LRBA: variants seen among roughly 807,000 people sequenced by gnomAD.
LRBA encodes the protein lipopolysaccharide-responsive and beige-like anchor protein.
A neutral mutation model predicts 330.0 loss-of-function variants in LRBA; 176 were observed. That is an observed-to-expected ratio of 0.53 (90% CI 0.47 to 0.60). The LOEUF is 0.60. LRBA is among the 20% of genes least tolerant of loss of function. The pLI, the probability that LRBA is intolerant of heterozygous loss-of-function variation, is 0.00. For synonymous variants in LRBA, 1,230 were observed against 1,193.0 expected (o/e 1.03, Z -0.64); for missense variants, 3,259 against 3,444.8 (o/e 0.95, Z 1.35).
intron 47 of LRBA, among the ~76,000 whole-genome samples, chr4:150,357,252 C>T (rs1268260152): frequency 1.3e-5 from 2 of 151,982 alleles, no homozygotes; most frequent in East Asian, 1.9e-4. Context: ...AGCACTCGTG[C>T]ATCTTTTGGC....
chr4:150,790,806 G>A (rs1049969984), intron 34 of LRBA, among the ~76,000 whole-genome samples: 3 of 152,098 alleles, frequency 2.0e-5, no homozygotes, highest in Non-Finnish European at 4.4e-5. Context: ...TTTCAGCAAA[G>A]AATACCTACT....
At chr4:150,816,277 G>A (rs1022461279) in intron 31 of LRBA, among the ~76,000 whole-genome samples, 2 of 152,022 alleles carry the variant, frequency 1.3e-5, no homozygotes, top group East Asian at 3.9e-4. Context: ...TCTCAACCTA[G>A]AATCATAAGA....
At chr4:150,560,432 A>G (rs982043797) in intron 40 of LRBA, among the ~76,000 whole-genome samples, 1 of 152,134 alleles carries the variant, frequency 6.6e-6, no homozygotes, top group African/African-American at 2.4e-5. Context: ...CAGTTATTCT[A>G]TCCTGTGATG....
chr4:150,586,857 T>A (rs1428849517), intron 40 of LRBA, among the ~76,000 whole-genome samples: 1 of 152,172 alleles, frequency 6.6e-6, no homozygotes, highest in Non-Finnish European at 1.5e-5. Context: ...CCAGTCTTTC[T>A]TAAATTCAGA....
chr4:150,400,419 A>G (rs745420742), intron 47 of LRBA, among the ~76,000 whole-genome samples: 5 of 152,198 alleles, frequency 3.3e-5, no homozygotes, highest in Non-Finnish European at 7.3e-5. Context: ...CCTGGATCAA[A>G]AATTTTGTCG....
intron 47 of LRBA, among the ~76,000 whole-genome samples, chr4:150,411,040 AT>A (rs1303397633): frequency 6.6e-6 from 1 of 152,114 alleles, no homozygotes; most frequent in Non-Finnish European, 1.5e-5. Flanking sequence ...TCTGAAATAA[AT>A]TTTTTTCCTA....
chr4:150,914,019 C>T (rs982376409), intron 9 of LRBA, among the ~76,000 whole-genome samples, 176 bp downstream of exon 9: 1 of 152,142 alleles, frequency 6.6e-6, no homozygotes, highest in African/African-American at 2.4e-5. Flanking sequence ...CATCCAATTA[C>T]ACTATTTCAA....
intron 37 of LRBA, among the ~76,000 whole-genome samples, chr4:150,635,597 T>C (rs1372496465): frequency 1.3e-5 from 2 of 152,226 alleles, no homozygotes; most frequent in African/African-American, 2.4e-5. Flanking sequence ...GCAAACCTTA[T>C]TTCTTTTTTT....
intron 28 of LRBA, among the ~76,000 whole-genome samples, chr4:150,841,295 C>T (rs893162849): frequency 1.3e-5 from 2 of 152,220 alleles, no homozygotes; most frequent in African/African-American, 2.4e-5. Context: ...CTAACTACCA[C>T]ATGAAGTTTA....
Position 150,482,785 on chromosome 4 carries a change from T to C in LRBA, c.6551+4947A>G, listed in dbSNP as rs551363431. On this transcript the variant is annotated intron_variant, in intron 42 of 56. Coordinates refer to ENST00000651943, the MANE Select transcript of LRBA (RefSeq NM_001364905.1). ...GCATTTCTCAGATGACTAATGATGT[T>C]TGGCATCTTTTCATGTGTTTATTCG... Among the ~76,000 whole-genome samples the C allele has an allele frequency of 6.1e-4, 93 of 152,214 alleles. 1 individual carries two copies. Among genetic ancestry groups the C allele is most frequent in the Middle Eastern group, 6.8e-3 (2 of 294 alleles).
chr4:151,000,510 A>G (rs531308915), intron 2 of LRBA, among the ~76,000 whole-genome samples: 11 of 152,366 alleles, frequency 7.2e-5, no homozygotes, highest in African/African-American at 2.6e-4. Flanking sequence ...TTACTTAAAC[A>G]CTGCAATACC....
chr4:151,015,716 G>C (rs1745342699), upstream of LRBA: 1 of 151,850 alleles, frequency 6.6e-6, no homozygotes, highest in South Asian at 2.1e-4. Flanking sequence ...CGCCATGACA[G>C]CGCCGAGTGC....
chr4:150,642,113 T>C (rs997760881), intron 37 of LRBA, among the ~76,000 whole-genome samples: 1 of 152,030 alleles, frequency 6.6e-6, no homozygotes, highest in Middle Eastern at 3.2e-3. Flanking sequence ...TTTTGATTAG[T>C]AAAATATGTT....
intron 4 of LRBA, among the ~76,000 whole-genome samples, chr4:150,925,166 A>T (rs1733752292): frequency 9.6e-4 from 1 of 1,040 alleles, no homozygotes; most frequent in Admixed American, 0.038. Flanking sequence ...CCTGTCTTTA[A>T]AAAAAAAAAA....
rs555982245 is a variant in LRBA at position 150,597,780 on chromosome 4, C to T, written c.6046+1227G>A. The stretch of plus-strand genomic sequence containing the variant: ...TATCACCACCTAAAAACTATATGTA[C>T]TCTAAAAGCAAAAGTGGCCTAATTA... On this transcript the variant is annotated intron_variant, in intron 38 of 56. Coordinates refer to ENST00000651943, the MANE Select transcript of LRBA (RefSeq NM_001364905.1). Among the ~76,000 whole-genome samples the T allele has an allele frequency of 1.3e-3, 195 of 151,964 alleles. 1 individual carries two copies. The highest frequency in any genetic ancestry group is 9.9e-4 in the Non-Finnish European group (67 of 67,894).
At chr4:150,444,257 T>C (rs1752295168) in intron 44 of LRBA, among the ~76,000 whole-genome samples, 1 of 152,132 alleles carries the variant, frequency 6.6e-6, no homozygotes, top group African/African-American at 2.4e-5. Flanking sequence ...ATCTTTTCCA[T>C]GAACCCAAAT....
intron 2 of LRBA, among the ~76,000 whole-genome samples, chr4:150,992,756 G>T (rs1639609660): frequency 6.6e-6 from 1 of 152,100 alleles, no homozygotes; most frequent in Non-Finnish European, 1.5e-5. Context: ...AACATAAAAG[G>T]AAATACAGAT....
chr4:150,290,493 T>C (rs1369606410), intron 53 of LRBA, among the ~76,000 whole-genome samples: 1 of 152,172 alleles, frequency 6.6e-6, no homozygotes, highest in Non-Finnish European at 1.5e-5. Context: ...CTTGAAAAAT[T>C]GTCATGGCCT....
At chr4:150,826,438 T>C (rs1477042225) in intron 30 of LRBA, among the ~76,000 whole-genome samples, 1 of 152,174 alleles carries the variant, frequency 6.6e-6, no homozygotes, top group Non-Finnish European at 1.5e-5. Context: ...GGGTTTATGA[T>C]CATGACTGCC....
Sources: gnomAD v4.1 joint callset for allele counts (sites outside exome capture counted in the v4.1 genomes callset) on GRCh38, gnomAD v4.1.1 for gene constraint, MANE v1.5 for transcripts, NCBI Gene and HGNC (gene_info 2026-07-23, HGNC 2026-07-21) for gene names.